Variants in ARHGEF16 observed in about 807,000 individuals in gnomAD.
The protein encoded by ARHGEF16 is Rho guanine nucleotide exchange factor 16, also known as Rho guanine exchange factor (GEF) 16.
Under a neutral mutation model 74.1 loss-of-function variants are expected in ARHGEF16, and 59 were observed. That is an observed-to-expected ratio of 0.80 (90% CI 0.65 to 0.99). The LOEUF (loss-of-function observed/expected upper bound fraction) is 0.99, where lower values mean the gene tolerates loss of function less well. Among genes scored for constraint, ARHGEF16 ranks in the 50% least tolerant of loss-of-function variants. The pLI is 0.00. For missense variants in ARHGEF16, 948 were observed against 986.6 expected, an observed-to-expected ratio of 0.96 and a Z score of 0.52; for synonymous variants, 415 against 412.6, an observed-to-expected ratio of 1.01 and a Z score of -0.07.
intron 12 of ARHGEF16, among the ~76,000 whole-genome samples, chr1:3,478,874 G>T (rs999455271): frequency 6.6e-6 from 1 of 152,224 alleles, no homozygotes; most frequent in Non-Finnish European, 1.5e-5. Context: ...GTGGGGGGTG[G>T]GGTGCGGGGG....
intron 8 of ARHGEF16, 81 bp downstream of exon 8, chr1:3,473,603 A>G: frequency 6.3e-7 from 1 of 1,583,964 alleles, no homozygotes; most frequent in Non-Finnish European, 8.6e-7. Flanking sequence ...ATGGAGCATT[A>G]CGTGCTTGTG....
chr1:3,469,181 T>A (rs1639633990), intron 5 of ARHGEF16, among the ~76,000 whole-genome samples: 1 of 152,152 alleles, frequency 6.6e-6, no homozygotes, highest in African/African-American at 2.4e-5. Flanking sequence ...CATCACCCCC[T>A]TCTCTGACAA....
chr1:3,470,556 TGTGA>T (rs1271691375), intron 6 of ARHGEF16, among the ~76,000 whole-genome samples: 1 of 145,248 alleles, frequency 6.9e-6, no homozygotes, highest in African/African-American at 2.6e-5. Flanking sequence ...CAGGGTTATG[TGTGA>T]GTGGGTAGGG....
chr1:3,456,725 C>T (rs988372600), intron 1 of ARHGEF16, among the ~76,000 whole-genome samples: 3 of 152,260 alleles, frequency 2.0e-5, no homozygotes, highest in African/African-American at 7.2e-5. Context: ...GGAGACCTGT[C>T]ACCCACACGG....
chr1:3,465,137 C>T (rs931711279), intron 2 of ARHGEF16, among the ~76,000 whole-genome samples: 1 of 152,244 alleles, frequency 6.6e-6, no homozygotes, highest in Non-Finnish European at 1.5e-5. Context: ...GGGCTCCGTT[C>T]ATTCATTCAC....
chr1:3,479,388 C>A, intron 12 of ARHGEF16, 129 bp from the exon 13 acceptor site: 1 of 980,732 alleles, frequency 1.0e-6, no homozygotes, highest in Non-Finnish European at 1.5e-6. Flanking sequence ...GTCTGCCCAG[C>A]CACTCCTGCC....
chr1:3,474,924 C>T (rs1323690841), intron 9 of ARHGEF16, 142 bp downstream of exon 9: 2 of 669,938 alleles, frequency 3.0e-6, no homozygotes, highest in Non-Finnish European at 2.6e-6. Flanking sequence ...CCATCCCAAG[C>T]CTTTCACAGC....
At position 3,456,112 on chromosome 1, in the gene ARHGEF16, G is replaced by A. The variant is rs1639259114; in HGVS notation, c.-20+1301G>A. ...GGTGGGATGGGCCCTCCCTCCACCT[G>A]GACACTGGGGAGAAACCCTTGTTGG... On this transcript the variant is annotated intron_variant, in intron 1 of 14. Coordinates refer to ENST00000378378, the MANE Select transcript of ARHGEF16 (RefSeq NM_014448.4). 2.0e-5 allele frequency among the ~76,000 whole-genome samples: 3 copies of A among 152,180 alleles called. No homozygotes were observed. The South Asian group carries it at 6.2e-4, about 31-fold the overall frequency.
At chr1:3,470,524 G>A (rs1639679526) in intron 6 of ARHGEF16, among the ~76,000 whole-genome samples, 1 of 151,434 alleles carries the variant, frequency 6.6e-6, no homozygotes, top group Non-Finnish European at 1.5e-5. Context: ...TGTGTGCGTG[G>A]GCAGGGGTGT....
chr1:3,466,296 T>A, intron 3 of ARHGEF16, 103 bp downstream of exon 3: 1 of 1,254,946 alleles, frequency 8.0e-7, no homozygotes, highest in Non-Finnish European at 1.1e-6. Context: ...TGTCTCGGGG[T>A]CACCAAAGCT....
chr1:3,473,006 A>C, intron 6 of ARHGEF16, 72 bp from the exon 7 acceptor site: 1 of 1,522,348 alleles, frequency 6.6e-7, no homozygotes, highest in Non-Finnish European at 8.9e-7. Context: ...ATGCAGATGC[A>C]TGTCTGTGTG....
chr1:3,471,834 C>G, intron 6 of ARHGEF16: 1 of 1,054,116 alleles, frequency 9.5e-7, no homozygotes, highest in Non-Finnish European at 1.2e-6. Flanking sequence ...TTCTCAGAAC[C>G]TGCAGTCACC....
intron 8 of ARHGEF16, chr1:3,473,789 A>G (rs1183573839): frequency 1.8e-6 from 1 of 560,768 alleles, no homozygotes; most frequent in Non-Finnish European, 3.1e-6. Flanking sequence ...GTTCAGGCAC[A>G]CTGACGAGTT....
chr1:3,480,682 C>T lies in ARHGEF16; in HGVS notation c.*95C>T. ...GAGCGTGGGGAGCTGGTCTCAAGGA[C>T]CCAGCATGGTTCCCTGGGGCTTCCC... is the stretch of plus-strand genomic sequence containing the variant. On this transcript the variant is annotated 3_prime_UTR_variant, in exon 15 of 15. Transcript: ENST00000378378. 1 of 1,470,654 alleles carries T rather than the reference C, an allele frequency of 6.8e-7. No homozygotes were observed. Among genetic ancestry groups the T allele is most frequent in the Non-Finnish European group, 9.1e-7 (1 of 1,097,484 alleles). 91.1% of individuals were successfully genotyped at this position (1,470,654 alleles called of 1,614,324 possible).
chr1:3,466,445 C>A (rs955988243), intron 3 of ARHGEF16, among the ~76,000 whole-genome samples: 2 of 152,168 alleles, frequency 1.3e-5, no homozygotes, highest in Non-Finnish European at 2.9e-5. Context: ...ACAGAGCCCC[C>A]AGTCTTGCCC....
In ARHGEF16 at chr1:3,468,987, A is replaced by T. The variant is rs1639628878; in HGVS notation, c.861+51A>T. On this transcript the variant is annotated intron_variant, in intron 5 of 14. Coordinates refer to ENST00000378378, the MANE Select transcript of ARHGEF16 (RefSeq NM_014448.4). ...TGTCCCCCATGGCCTGGGCCATGCAACACCCGGGGAGGGGCAGCAGCCACG... is the reference window on the plus strand; with the variant it reads ...TGTCCCCCATGGCCTGGGCCATGCATCACCCGGGGAGGGGCAGCAGCCACG... 3.2e-6 allele frequency: 5 copies of T among 1,543,756 alleles called. No individual in the cohort carries two copies. The South Asian group carries it at 6.0e-5, about 18-fold the overall frequency.
chr1:3,477,551 G>A (rs1416615177), intron 10 of ARHGEF16, among the ~76,000 whole-genome samples: 2 of 151,144 alleles, frequency 1.3e-5, no homozygotes, highest in East Asian at 2.0e-4. Context: ...TAATTGCCAC[G>A]GAGGGGTGAG....
rs1456215710 is a variant in ARHGEF16 at position 3,469,430 on chromosome 1, C to A, written c.862-3C>A. On this transcript the variant is annotated splice_polypyrimidine_tract_variant and splice_region_variant and intron_variant, in intron 5 of 14. Coordinates refer to ENST00000378378, the MANE Select transcript of ARHGEF16 (RefSeq NM_014448.4). ...TGGGGCTCACCTAGGCCCCTCTCCA[C>A]AGGCCATGTTCGAGATCCTCACGTC... The A allele has an allele frequency of 6.2e-7, 1 of 1,612,806 alleles. No homozygotes were observed. Among genetic ancestry groups the A allele is most frequent in the South Asian group, 1.1e-5 (1 of 91,074 alleles).
intron 1 of ARHGEF16, among the ~76,000 whole-genome samples, chr1:3,457,551 A>G (rs978498365): frequency 5.3e-5 from 8 of 152,250 alleles, no homozygotes; most frequent in Non-Finnish European, 8.8e-5. Flanking sequence ...TAGACTCACT[A>G]GAAGCCCATC....
Sources: allele counts gnomAD v4.1 joint callset (sites outside exome capture counted in the v4.1 genomes callset), GRCh38; gene constraint gnomAD v4.1.1; transcripts MANE v1.5; gene names NCBI Gene and HGNC (gene_info 2026-07-23, HGNC 2026-07-21).